The following KCND2 variants were observed in gnomAD, a reference collection of about 807,000 sequenced individuals.
The protein encoded by KCND2 is potassium voltage-gated channel subfamily D member 2, also known as A-type voltage-gated potassium channel KCND2.
A neutral mutation model predicts 54.4 loss-of-function variants in KCND2; 16 were observed. The ratio of observed to expected loss-of-function variants is 0.29; its 90% CI spans 0.20 to 0.45. The LOEUF (loss-of-function observed/expected upper bound fraction) is 0.45, where lower values mean the gene tolerates loss of function less well. KCND2 is among the 20% of genes least tolerant of loss of function. The probability of loss-of-function intolerance (pLI) is 1.00; values close to 1 mark genes in which losing one functional copy is unlikely to be tolerated. For missense variants in KCND2, 486 were observed against 824.2 expected, an observed-to-expected ratio of 0.59 and a Z score of 5.02; for synonymous variants, 317 against 310.7, an observed-to-expected ratio of 1.02 and a Z score of -0.21.
chr7:120,690,203 T>C (rs1042275447), intron 1 of KCND2, among the ~76,000 whole-genome samples: 3 of 152,204 alleles, frequency 2.0e-5, no homozygotes, highest in Non-Finnish European at 4.4e-5. Context: ...TACTTGTCTA[T>C]GAAGGGCTAA....
intron 1 of KCND2, among the ~76,000 whole-genome samples, chr7:120,439,433 A>G (rs188575426): frequency 2.6e-5 from 4 of 152,224 alleles, no homozygotes; most frequent in Admixed American, 2.0e-4. Flanking sequence ...TTCAACACAT[A>G]TATATGGTAT....
At chr7:120,594,770 C>A (rs1792713162) in intron 1 of KCND2, among the ~76,000 whole-genome samples, 1 of 152,072 alleles carries the variant, frequency 6.6e-6, no homozygotes, top group Non-Finnish European at 1.5e-5. Flanking sequence ...GTCTGTAATC[C>A]CAGCACTTTG....
At chr7:120,681,711 G>T (rs1013877184) in intron 1 of KCND2, among the ~76,000 whole-genome samples, 2 of 151,700 alleles carry the variant, frequency 1.3e-5, no homozygotes, top group Non-Finnish European at 2.9e-5. Flanking sequence ...CATTTTCTTT[G>T]TTGAATATCA....
intron 1 of KCND2, among the ~76,000 whole-genome samples, chr7:120,561,692 T>A (rs964431710): frequency 5.1e-5 from 7 of 136,402 alleles, no homozygotes; most frequent in African/African-American, 1.8e-4. Context: ...GCTCACTGCA[T>A]CCTTCGCCTC....
chr7:120,351,789 T>C (rs1478864719), intron 1 of KCND2, among the ~76,000 whole-genome samples: 2 of 151,866 alleles, frequency 1.3e-5, no homozygotes, highest in Non-Finnish European at 2.9e-5. Context: ...TTCTTTTCTT[T>C]TTCTTTTTTT....
At chr7:120,647,095 T>G in intron 1 of KCND2, among the ~76,000 whole-genome samples, 1 of 152,236 alleles carries the variant, frequency 6.6e-6, no homozygotes, top group East Asian at 1.9e-4. Context: ...CTTGAACTGT[T>G]TTTACAGTAT....
chr7:120,665,732 C>G (rs1326067806), intron 1 of KCND2, among the ~76,000 whole-genome samples: 1 of 151,972 alleles, frequency 6.6e-6, no homozygotes, highest in African/African-American at 2.4e-5. Context: ...TCACACAACC[C>G]ATCTTTTTTT....
chr7:120,709,971 A>T (rs66784957), intron 1 of KCND2, among the ~76,000 whole-genome samples: 1 of 152,054 alleles, frequency 6.6e-6, no homozygotes, highest in Non-Finnish European at 1.5e-5. Context: ...ACAAGCTCAA[A>T]GATAAAATTA....
At chr7:120,292,196 A>T (rs890821310) in intron 1 of KCND2, among the ~76,000 whole-genome samples, 1 of 151,938 alleles carries the variant, frequency 6.6e-6, no homozygotes, top group Admixed American at 6.6e-5. Flanking sequence ...ATTGAAATAT[A>T]GTAAATGAAT....
At chr7:120,644,333 A>C (rs1274041989) in intron 1 of KCND2, among the ~76,000 whole-genome samples, 2 of 152,170 alleles carry the variant, frequency 1.3e-5, no homozygotes, top group Non-Finnish European at 2.9e-5. Context: ...AGGCGCAGAA[A>C]TATCAGCCAG....
At chr7:120,567,033 A>G (rs1188937281) in intron 1 of KCND2, among the ~76,000 whole-genome samples, 1 of 152,156 alleles carries the variant, frequency 6.6e-6, no homozygotes, top group Non-Finnish European at 1.5e-5. Flanking sequence ...GAAATGGAAA[A>G]TCATTTTTCA....
intron 1 of KCND2, among the ~76,000 whole-genome samples, chr7:120,483,363 A>G (rs572712441): frequency 9.8e-5 from 15 of 152,340 alleles, no homozygotes; most frequent in African/African-American, 3.4e-4. Flanking sequence ...AGAAAAGCTC[A>G]ATAGGCAACT....
chr7:120,440,386 T>C (rs1317085366), intron 1 of KCND2, among the ~76,000 whole-genome samples: 2 of 152,234 alleles, frequency 1.3e-5, no homozygotes, highest in African/African-American at 2.4e-5. Flanking sequence ...TTCTGGAAAT[T>C]AACCCTTTGT....
intron 1 of KCND2, among the ~76,000 whole-genome samples, chr7:120,311,180 A>G (rs757993774): frequency 4.6e-5 from 7 of 152,110 alleles, no homozygotes; most frequent in Non-Finnish European, 7.4e-5. Context: ...GAGTGTAGAC[A>G]TATGCTGCAT....
chr7:120,560,044 C>G (rs577302577), intron 1 of KCND2, among the ~76,000 whole-genome samples: 14 of 152,266 alleles, frequency 9.2e-5, no homozygotes, highest in African/African-American at 2.9e-4. Context: ...TCCTATTTCT[C>G]TACTGAAATC....
chr7:120,728,041 C>T (rs572395437), intron 1 of KCND2, among the ~76,000 whole-genome samples: 17 of 147,708 alleles, frequency 1.2e-4, no homozygotes, highest in African/African-American at 4.0e-4. Flanking sequence ...GGCTGAGGCA[C>T]GAGAATCGCT....
intron 1 of KCND2, among the ~76,000 whole-genome samples, chr7:120,529,120 C>G (rs1327458657): frequency 6.6e-6 from 1 of 152,138 alleles, no homozygotes; most frequent in East Asian, 1.9e-4. Context: ...GAATGTTTCT[C>G]TGGGAGCATC....
intron 1 of KCND2, among the ~76,000 whole-genome samples, chr7:120,397,989 GTGTGTGTATATATATATA>G (rs1219077614): frequency 9.9e-5 from 4 of 40,364 alleles, no homozygotes; most frequent in East Asian, 3.2e-4. Flanking sequence ...GTGTGTGTGT[GTGTGTGTATATATATATA>G]TATATATATA....
chr7:120,326,303 T>C (rs1057354573), intron 1 of KCND2, among the ~76,000 whole-genome samples: 3 of 152,140 alleles, frequency 2.0e-5, no homozygotes, highest in Non-Finnish European at 4.4e-5. Context: ...AAATGTTTTA[T>C]TACTTTATGA....
Sources: allele counts gnomAD v4.1 joint callset (sites outside exome capture counted in the v4.1 genomes callset), GRCh38; gene constraint gnomAD v4.1.1; transcripts MANE v1.5; gene names NCBI Gene and HGNC (gene_info 2026-07-23, HGNC 2026-07-21).